The following IGSF11 variants were observed in gnomAD, a reference collection of about 807,000 sequenced individuals.
IGSF11 encodes immunoglobulin superfamily member 11, also known as CXADR like 1.
IGSF11 carries 22 observed loss-of-function variants against 41.0 expected under a neutral mutation model. The observed-to-expected ratio is 0.54, with a 90% CI of 0.38 to 0.77. The LOEUF is 0.77. Ranked by LOEUF, IGSF11 falls within the 30% of genes least tolerant of loss-of-function variation. IGSF11 has a pLI of 0.00. For synonymous variants in IGSF11, 219 were observed against 201.3 expected (o/e 1.09, Z -0.74); for missense variants, 444 against 530.8 (o/e 0.84, Z 1.61).
At chr3:119,021,402 A>C (rs1478320187) in intron 1 of IGSF11, among the ~76,000 whole-genome samples, 1 of 152,166 alleles carries the variant, frequency 6.6e-6, no homozygotes, top group Non-Finnish European at 1.5e-5. Context: ...GGAGGAAAAA[A>C]TAATGCTTAT....
At chr3:118,921,260 CAG>C (rs1941756984) in intron 4 of IGSF11, among the ~76,000 whole-genome samples, 1 of 152,118 alleles carries the variant, frequency 6.6e-6, no homozygotes, top group African/African-American at 2.4e-5. Flanking sequence ...CTATCCTGTT[CAG>C]CAATGTATCT....
chr3:119,102,031 C>T (rs1279716501), intron 1 of IGSF11, among the ~76,000 whole-genome samples: 2 of 151,900 alleles, frequency 1.3e-5, no homozygotes, highest in Non-Finnish European at 2.9e-5. Context: ...TTTTTTCTTC[C>T]CCTTCCATCT....
At chr3:119,136,393 A>G (rs1181882336) in intron 1 of IGSF11, among the ~76,000 whole-genome samples, 2 of 152,152 alleles carry the variant, frequency 1.3e-5, no homozygotes, top group Non-Finnish European at 2.9e-5. Flanking sequence ...GAATAAAAAG[A>G]AAAACATGAC....
At chr3:119,028,710 A>T (rs901345678) in intron 1 of IGSF11, among the ~76,000 whole-genome samples, 34 of 151,984 alleles carry the variant, frequency 2.2e-4, no homozygotes, top group African/African-American at 8.0e-4. Flanking sequence ...TTTGAAAAAA[A>T]AACTATGAAA....
At chr3:119,086,539 G>C (rs1369577) in intron 1 of IGSF11, among the ~76,000 whole-genome samples, 63,809 of 151,868 alleles carry the variant, frequency 0.42, 14,277 homozygotes, top group Non-Finnish European at 0.51. Flanking sequence ...ACACCTACAA[G>C]GGGAACCCCA....
chr3:118,929,240 G>A (rs1054315967), intron 2 of IGSF11, among the ~76,000 whole-genome samples: 2 of 152,180 alleles, frequency 1.3e-5, no homozygotes, highest in Non-Finnish European at 2.9e-5. Flanking sequence ...TTTGGGCTGC[G>A]AGTGAGGGAC....
At chr3:119,059,087 C>T (rs150616692) in intron 1 of IGSF11, among the ~76,000 whole-genome samples, 3,499 of 145,970 alleles carry the variant, frequency 0.024, 121 homozygotes, top group African/African-American at 0.084. Context: ...AACAAACCTG[C>T]ACGTTGTGCA....
At chr3:119,099,316 T>A (rs572213832) in intron 1 of IGSF11, among the ~76,000 whole-genome samples, 1 of 152,256 alleles carries the variant, frequency 6.6e-6, no homozygotes, top group South Asian at 2.1e-4. Context: ...GGAAGGTTAG[T>A]GTAGTATATC....
At chr3:119,048,491 T>C (rs1177381298) in intron 1 of IGSF11, among the ~76,000 whole-genome samples, 2 of 152,110 alleles carry the variant, frequency 1.3e-5, no homozygotes, top group South Asian at 4.1e-4. Flanking sequence ...GATCTGAAAG[T>C]GTGGCAATAA....
chr3:118,951,634 C>G (rs866588049), intron 1 of IGSF11, among the ~76,000 whole-genome samples: 3 of 151,750 alleles, frequency 2.0e-5, no homozygotes, highest in Admixed American at 6.6e-5. Flanking sequence ...AGTTCTTCAC[C>G]CATATTAGTT....
chr3:119,023,137 C>T (rs755977448), intron 1 of IGSF11, among the ~76,000 whole-genome samples: 20 of 151,936 alleles, frequency 1.3e-4, no homozygotes, highest in Non-Finnish European at 2.8e-4. Flanking sequence ...TGGCTGATGC[C>T]TGTAATCCCA....
chr3:119,009,188 A>T (rs1937789225), intron 1 of IGSF11, among the ~76,000 whole-genome samples: 1 of 144,534 alleles, frequency 6.9e-6, no homozygotes, highest in Admixed American at 6.6e-5. Context: ...TTAGAGGCCA[A>T]CTAATAATCT....
chr3:118,950,931 T>C (rs917774613), intron 1 of IGSF11, among the ~76,000 whole-genome samples: 36 of 152,188 alleles, frequency 2.4e-4, no homozygotes, highest in African/African-American at 8.2e-4. Flanking sequence ...CTTACAGTAC[T>C]GTGTATTACA....
At chr3:118,999,399 G>A (rs913557731) in intron 1 of IGSF11, among the ~76,000 whole-genome samples, 4 of 152,112 alleles carry the variant, frequency 2.6e-5, no homozygotes, top group Non-Finnish European at 4.4e-5. Context: ...CTATAATTAT[G>A]TCTTCTCTTA....
Position 118,902,587 on chromosome 3 carries a change from G to A in IGSF11, c.1229C>T (p.Thr410Ile). 1 of 1,614,046 alleles carries A rather than the reference G, an allele frequency of 6.2e-7. No individual in the cohort carries two copies. The highest frequency in any genetic ancestry group is 1.3e-5 in the African/African-American group (1 of 74,988). The change falls in exon 7 of 7, where the codon ACA (threonine) becomes ATA (isoleucine). Residue 410 changes from threonine to isoleucine, a missense_variant. By Grantham distance (89) the Thr-to-Ile change is moderately conservative (BLOSUM62 -1). This residue lies in a region of IGSF11 where 223 missense variants were observed against 226.2 expected (regional missense o/e 0.99). Transcript: ENST00000393775. ...HTHSYTISHA[T>I]LERIGAVPVM... is the part of the protein sequence containing the mutation. ...AGGTACTGCACCAATTCGTTCCAGT[G>A]TTGCGTGGCTGATGGTGTAGGAATG... is the stretch of plus-strand genomic sequence containing the variant.
At chr3:119,115,333 C>T (rs2107524817) in intron 1 of IGSF11, among the ~76,000 whole-genome samples, 1 of 152,306 alleles carries the variant, frequency 6.6e-6, no homozygotes, top group African/African-American at 2.4e-5. Context: ...AAACCTTTCT[C>T]CATAGTGGGT....
intron 1 of IGSF11, among the ~76,000 whole-genome samples, chr3:118,984,973 C>T (rs1935109472): frequency 1.3e-5 from 2 of 152,162 alleles, no homozygotes; most frequent in South Asian, 2.1e-4. Context: ...GCCATTGCCA[C>T]CAAGGCATTT....
At position 119,123,898 on chromosome 3, in the gene IGSF11, AT is replaced by A. The variant is rs565276478; in HGVS notation, c.-13-18694del. Among the ~76,000 whole-genome samples, 26 of 152,350 alleles carry A rather than the reference AT, an allele frequency of 1.7e-4. No homozygotes were observed. The South Asian group carries it at 3.5e-3, about 21-fold the overall frequency. ...ACCTTTCTGAAAAGGATGGGTACAA[AT>A]AAGCCCAGACTGTGAAGACTACAAT... On this transcript the variant is annotated intron_variant, in intron 1 of 7. Coordinates refer to the IGSF11 transcript ENST00000425327.
intron 1 of IGSF11, among the ~76,000 whole-genome samples, chr3:119,129,314 C>T (rs2077445331): frequency 6.6e-6 from 1 of 152,046 alleles, no homozygotes; most frequent in Non-Finnish European, 1.5e-5. Context: ...AAAAATAAAT[C>T]ATCTAAAGGT....
Sources: allele counts gnomAD v4.1 joint callset (sites outside exome capture counted in the v4.1 genomes callset), GRCh38; gene constraint gnomAD v4.1.1; regional missense constraint gnomAD v4.1.1; transcripts MANE v1.5; gene names NCBI Gene and HGNC (gene_info 2026-07-23, HGNC 2026-07-21).